The following NCKAP1L variants were observed in gnomAD, a reference collection of about 807,000 sequenced individuals.
NCKAP1L encodes NCK associated protein 1 like, also known as nck-associated protein 1-like.
NCKAP1L carries 53 observed loss-of-function variants against 139.2 expected under a neutral mutation model. The ratio of observed to expected loss-of-function variants is 0.38; its 90% CI spans 0.31 to 0.48. The LOEUF (loss-of-function observed/expected upper bound fraction) is 0.48. Among genes scored for constraint, NCKAP1L ranks in the 20% least tolerant of loss-of-function variants. The probability of loss-of-function intolerance (pLI) is 0.98; values close to 1 mark genes in which losing one functional copy is unlikely to be tolerated. For missense variants in NCKAP1L, 1,151 were observed against 1,381.9 expected (o/e 0.83, Z 2.65); for synonymous variants, 468 against 499.7 (o/e 0.94, Z 0.85).
chr12:54,532,108 T>G, intron 25 of NCKAP1L, 62 bp from the exon 26 acceptor site: 1 of 1,174,782 alleles, frequency 8.5e-7, no homozygotes, highest in African/African-American at 1.6e-5. Context: ...TTTTTATTTC[T>G]ACCTATTTTT....
Position 54,531,285 on chromosome 12 carries a change from G to A in NCKAP1L, c.2532G>A (p.Leu844=). The A allele has an allele frequency of 6.2e-7, 1 of 1,614,116 alleles. No homozygotes were observed. Among genetic ancestry groups the A allele is most frequent in the South Asian group, 1.1e-5 (1 of 91,074 alleles). Residue 844 remains leucine (L), a synonymous_variant, in exon 23 of 31, where the codon CTG becomes CTA. Coordinates refer to ENST00000293373, the MANE Select transcript of NCKAP1L (RefSeq NM_005337.5). ...AGATGCGGGCCTTGGCAGAACTCCT[G>A]GGCCCCTATGGCATGAAGTTCCTGA... ...ISEMRALAEL[L]GPYGMKFLSE...
Position 54,532,208 on chromosome 12 carries a change from T to C in NCKAP1L, c.2820T>C (p.Ile940=), listed in dbSNP as rs1288926698. ...ACTGCCCATTTCTTATGGGTCCCAT[T>C]GAGTGCTTGAAGGAGTTTGTCACTC... is the stretch of plus-strand genomic sequence containing the variant. ...SSHCPFLMGP[I]ECLKEFVTPD... is the part of the protein sequence containing the mutation. The change falls in exon 26 of 31, where the codon ATT becomes ATC. Residue 940 remains isoleucine, a synonymous_variant. Coordinates refer to ENST00000293373, the MANE Select transcript of NCKAP1L (RefSeq NM_005337.5). The C allele has an allele frequency of 6.2e-7, 1 of 1,613,600 alleles. No individual in the cohort carries two copies. Among genetic ancestry groups the C allele is most frequent in the Admixed American group, 1.7e-5 (1 of 59,976 alleles).
chr12:54,538,215 T>C (rs1957128166), intron 29 of NCKAP1L, among the ~76,000 whole-genome samples: 1 of 152,188 alleles, frequency 6.6e-6, no homozygotes, highest in South Asian at 2.1e-4. Context: ...GATTGGTTGG[T>C]GTGTCTCTAT....
Position 54,545,970 on chromosome 12 carries a change from C to T in NCKAP1L, c.*3285C>T, listed in dbSNP as rs1957193997. 1 of 152,292 alleles carries T rather than the reference C, an allele frequency of 6.6e-6. No individual in the cohort carries two copies. The highest frequency in any genetic ancestry group is 1.5e-5 in the Non-Finnish European group (1 of 68,100). The allele number at this position is 152,292 out of a possible 1,614,324, so 9.4% of individuals were successfully genotyped here. On this transcript the variant is annotated 3_prime_UTR_variant, in exon 31 of 31. Transcript: ENST00000293373. ...AGGAACTGGGTGTGGTGGCTCACCC[C>T]TGTAATCCCAGCACTTTGGGAGGCA...
At chr12:54,506,796 A>AAAAAAAAAAATATATAT in intron 3 of NCKAP1L, among the ~76,000 whole-genome samples, 3 of 50,608 alleles carry the variant, frequency 5.9e-5, no homozygotes, top group African/African-American at 1.1e-4. Context: ...AAAAAAAAAA[A>AAAAAAAAAAATATATAT]ATATATATAT....
At chr12:54,504,601 A>G (rs1048954681) in intron 3 of NCKAP1L, among the ~76,000 whole-genome samples, 1 of 152,244 alleles carries the variant, frequency 6.6e-6, no homozygotes, top group Admixed American at 6.5e-5. Flanking sequence ...TGTTTAGGAA[A>G]GGAGGGGAAA....
At position 54,545,264 on chromosome 12, in the gene NCKAP1L, G is replaced by T. The variant is rs192962311; in HGVS notation, c.*2579G>T. The T allele has an allele frequency of 1.3e-5, 2 of 152,244 alleles. No homozygotes were observed. Among genetic ancestry groups the T allele is most frequent in the Admixed American group, 1.3e-4 (2 of 15,286 alleles). 9.4% of individuals were successfully genotyped at this position (152,244 alleles called of 1,614,324 possible). A position where few individuals can be genotyped will look rare whatever the true frequency, so the allele number is the denominator to read the frequency against. ...GCTTTCACATCCTTATAGCAATTCT[G>T]CAAGGTAGCCAGGGAAGGCTTTCCT... On this transcript the variant is annotated 3_prime_UTR_variant, in exon 31 of 31. Transcript: ENST00000293373.
In NCKAP1L at chr12:54,526,467, A is replaced by T. The variant is rs1485577737; in HGVS notation, c.2157-61A>T. On this transcript the variant is annotated intron_variant, in intron 20 of 30. Transcript: ENST00000293373. ...ACCTGGAACACAATATACACTCAAC[A>T]ATTGTTACTGTATTTGCCATTATGA... 7 of 1,338,806 alleles carry T rather than the reference A, an allele frequency of 5.2e-6. No homozygotes were observed. In the East Asian group the frequency reaches 1.6e-4, roughly 31 times the overall value. The allele number at this position is 1,338,806 out of a possible 1,614,324, so 82.9% of individuals were successfully genotyped here. A position where few individuals can be genotyped will look rare whatever the true frequency, so the allele number is the denominator to read the frequency against.
At chr12:54,514,321 A>C (rs1956913309) in intron 9 of NCKAP1L, among the ~76,000 whole-genome samples, 1 of 138,402 alleles carries the variant, frequency 7.2e-6, no homozygotes, top group Non-Finnish European at 1.6e-5. Flanking sequence ...ATATTTTTTT[A>C]TTTTCTTTTT....
chr12:54,533,108 G>A (rs1403660498), intron 26 of NCKAP1L, among the ~76,000 whole-genome samples: 1 of 152,184 alleles, frequency 6.6e-6, no homozygotes, highest in Non-Finnish European at 1.5e-5. Context: ...GACTGTGGGG[G>A]CAGTGAGGGG....
chr12:54,546,920 G>C lies in NCKAP1L; in HGVS notation c.*4235G>C, dbSNP rs1343730458. 1 of 152,210 alleles carries C rather than the reference G, an allele frequency of 6.6e-6. No individual in the cohort carries two copies. The allele number at this position is 152,210 out of a possible 1,614,324, so 9.4% of individuals were successfully genotyped here. A position where few individuals can be genotyped will look rare whatever the true frequency, so the allele number is the denominator to read the frequency against. Reference sequence around the variant, plus strand: ...GCCCCTTTAAATAGCATTCCCGTAGGAGGCAGATCACATCCATCCGTCACC... The same window carrying C: ...GCCCCTTTAAATAGCATTCCCGTAGCAGGCAGATCACATCCATCCGTCACC... On this transcript the variant is annotated 3_prime_UTR_variant, in exon 31 of 31. Coordinates refer to ENST00000293373, the MANE Select transcript of NCKAP1L (RefSeq NM_005337.5).
chr12:54,534,644 A>G lies in NCKAP1L; in HGVS notation c.2863-460A>G, dbSNP rs371733075. 9.2e-5 allele frequency among the ~76,000 whole-genome samples: 14 copies of G among 152,218 alleles called. No homozygotes were observed. In the East Asian group the frequency reaches 1.3e-3, roughly 15 times the overall value. On this transcript the variant is annotated intron_variant, in intron 26 of 30. Transcript: ENST00000293373. ...CTCAAAAGAGGGAAGCACCTGAACC[A>G]GAGTATGAGAGAGGAAGTTGTAGTT...
chr12:54,507,050 G>T (rs1956846993), intron 3 of NCKAP1L, among the ~76,000 whole-genome samples: 1 of 150,326 alleles, frequency 6.7e-6, no homozygotes, highest in Non-Finnish European at 1.5e-5. Flanking sequence ...TTACAAGCAG[G>T]GAATATTACC....
At chr12:54,512,593 T>A (rs1322925207) in intron 9 of NCKAP1L, 1 of 153,996 alleles carries the variant, frequency 6.5e-6, no homozygotes, top group African/African-American at 2.4e-5. Context: ...TCTCGAGGAA[T>A]CTATGAACTG....
chr12:54,546,843 T>C lies in NCKAP1L; in HGVS notation c.*4158T>C, dbSNP rs1162501769. ...AGCTGAGTTTGCAGCTCTGGAGAGA[T>C]TGAGGAGCAGACTTTTCTCTTGTCA... On this transcript the variant is annotated 3_prime_UTR_variant, in exon 31 of 31. Coordinates refer to ENST00000293373, the MANE Select transcript of NCKAP1L (RefSeq NM_005337.5). The C allele has an allele frequency of 6.6e-6, 1 of 152,152 alleles. No individual in the cohort carries two copies. Among genetic ancestry groups the C allele is most frequent in the East Asian group, 1.9e-4 (1 of 5,184 alleles). 9.4% of individuals were successfully genotyped at this position (152,152 alleles called of 1,614,324 possible).
chr12:54,541,022 C>A (rs1288897957), intron 30 of NCKAP1L, among the ~76,000 whole-genome samples: 2 of 152,264 alleles, frequency 1.3e-5, no homozygotes, highest in Admixed American at 6.5e-5. Flanking sequence ...TTCTGACCAG[C>A]ACTTCTGTCC....
At chr12:54,513,294 G>A (rs887863167) in intron 9 of NCKAP1L, among the ~76,000 whole-genome samples, 4 of 152,202 alleles carry the variant, frequency 2.6e-5, no homozygotes, top group South Asian at 2.1e-4. Context: ...GAAAGATTGC[G>A]TGGTTAGTTT....
At position 54,532,253 on chromosome 12, in the gene NCKAP1L, A is replaced by G. The variant is rs902225537; in HGVS notation, c.2862+3A>G. Reference sequence around the variant, plus strand: ...TCACTCCAGACACAGACATCAAGGTATGGAGGAGTGCAAAGTAGAATCTAA... The same window carrying G: ...TCACTCCAGACACAGACATCAAGGTGTGGAGGAGTGCAAAGTAGAATCTAA... On this transcript the variant is annotated splice_donor_region_variant and intron_variant, in intron 26 of 30. Transcript: ENST00000293373. 4.3e-6 allele frequency: 7 copies of G among 1,609,374 alleles called. No homozygotes were observed. The highest frequency in any genetic ancestry group is 5.9e-6 in the Non-Finnish European group (7 of 1,177,202).
intron 26 of NCKAP1L, among the ~76,000 whole-genome samples, chr12:54,532,495 G>T (rs565683402): frequency 6.6e-6 from 1 of 151,984 alleles, no homozygotes; most frequent in South Asian, 2.1e-4. Flanking sequence ...ATTACTGGAG[G>T]GGGAGGGGTA....
Sources: gnomAD v4.1 joint callset for allele counts (sites outside exome capture counted in the v4.1 genomes callset) on GRCh38, gnomAD v4.1.1 for gene constraint, MANE v1.5 for transcripts, NCBI Gene and HGNC (gene_info 2026-07-23, HGNC 2026-07-21) for gene names.